Variants in PLAAT3 observed in about 807,000 individuals in gnomAD.
The protein encoded by PLAAT3 is phospholipase A and acyltransferase 3, also known as Ca-independent phospholipase A1/2.
In PLAAT3, 21 loss-of-function variants were observed where a neutral mutation model predicts 16.7. The ratio of observed to expected loss-of-function variants is 1.26; its 90% CI spans 0.89 to 1.81. The LOEUF (loss-of-function observed/expected upper bound fraction) is 1.81. Among genes scored for constraint, PLAAT3 ranks in the 40% most tolerant of loss-of-function variants. The pLI, the probability that PLAAT3 is intolerant of heterozygous loss-of-function variation, is 0.00. For synonymous variants in PLAAT3, 76 were observed against 81.7 expected (o/e 0.93, Z 0.38); for missense variants, 219 against 213.7 (o/e 1.02, Z -0.16).
At chr11:63,605,833 T>C (rs1310674069) in intron 2 of PLAAT3, among the ~76,000 whole-genome samples, 2 of 152,118 alleles carry the variant, frequency 1.3e-5, no homozygotes, top group African/African-American at 4.8e-5. Flanking sequence ...ATTACAGACA[T>C]GAGCCACCGC....
chr11:63,578,102 T>C (rs2134389949), intron 4 of PLAAT3, among the ~76,000 whole-genome samples: 1 of 151,972 alleles, frequency 6.6e-6, no homozygotes, highest in South Asian at 2.1e-4. Context: ...GGCAACATGG[T>C]GAAACCCCAT....
intron 2 of PLAAT3, among the ~76,000 whole-genome samples, chr11:63,604,096 G>A (rs973907426): frequency 1.2e-4 from 19 of 152,148 alleles, no homozygotes; most frequent in African/African-American, 4.1e-4. Flanking sequence ...AGGTTGCAGT[G>A]AGCTGAGATC....
intron 4 of PLAAT3, among the ~76,000 whole-genome samples, chr11:63,588,559 C>T (rs1348948225): frequency 6.6e-6 from 1 of 152,092 alleles, no homozygotes; most frequent in Non-Finnish European, 1.5e-5. Flanking sequence ...ACTGATTCCC[C>T]AGAAGAAAGC....
intron 2 of PLAAT3, among the ~76,000 whole-genome samples, chr11:63,604,677 C>G (rs971922174): frequency 6.6e-6 from 1 of 151,946 alleles, no homozygotes; most frequent in African/African-American, 2.4e-5. Flanking sequence ...GCTGGAGAAT[C>G]GCTTGAACCT....
At chr11:63,592,445 G>A (rs1938176821) in intron 3 of PLAAT3, among the ~76,000 whole-genome samples, 1 of 152,068 alleles carries the variant, frequency 6.6e-6, no homozygotes, top group Admixed American at 6.6e-5. Flanking sequence ...CAAAGTTCTG[G>A]GATTACAGGT....
intron 2 of PLAAT3, among the ~76,000 whole-genome samples, chr11:63,601,147 C>T (rs1938418905): frequency 6.7e-6 from 1 of 149,754 alleles, no homozygotes; most frequent in African/African-American, 2.4e-5. Context: ...CTCCGCTTCC[C>T]GGGTTCATGT....
At chr11:63,585,716 C>T (rs1478389714) in intron 4 of PLAAT3, among the ~76,000 whole-genome samples, 1 of 152,102 alleles carries the variant, frequency 6.6e-6, no homozygotes, top group African/African-American at 2.4e-5. Flanking sequence ...CATGCTGTTT[C>T]ACTGTTGTGT....
At chr11:63,578,918 C>T (rs1351604439) in intron 4 of PLAAT3, among the ~76,000 whole-genome samples, 3 of 152,152 alleles carry the variant, frequency 2.0e-5, no homozygotes, top group East Asian at 3.9e-4. Context: ...AAGAAACTAC[C>T]GTCAGAGTGA....
intron 2 of PLAAT3, among the ~76,000 whole-genome samples, chr11:63,612,011 G>T (rs569866172): frequency 6.6e-6 from 1 of 152,222 alleles, no homozygotes; most frequent in African/African-American, 2.4e-5. Flanking sequence ...GGTGGCGCAT[G>T]CCTGTAATCC....
At chr11:63,575,661 TA>T (rs765934351) in intron 4 of PLAAT3, among the ~76,000 whole-genome samples, 68 of 152,322 alleles carry the variant, frequency 4.5e-4, no homozygotes, top group Non-Finnish European at 6.9e-4. Flanking sequence ...AATGTCCAGG[TA>T]AAAATTGAAT....
At chr11:63,611,031 C>T (rs1938679278) in intron 2 of PLAAT3, among the ~76,000 whole-genome samples, 1 of 152,074 alleles carries the variant, frequency 6.6e-6, no homozygotes, top group Non-Finnish European at 1.5e-5. Context: ...AGTGGGGAGG[C>T]AGGATGTCCT....
At chr11:63,575,109 C>A in intron 4 of PLAAT3, 63 bp from the exon 5 acceptor site, 2 of 1,132,284 alleles carry the variant, frequency 1.8e-6, no homozygotes, top group Non-Finnish European at 2.7e-6. Context: ...GCTGCACATT[C>A]AGCAGAAACA....
chr11:63,575,025 C>G lies in PLAAT3; in HGVS notation c.409G>C (p.Ala137Pro), dbSNP rs777632250. 42 of 1,612,334 alleles carry G rather than the reference C, an allele frequency of 2.6e-5. No homozygotes were observed. In the South Asian group the frequency reaches 4.4e-4, roughly 17 times the overall value. ...SDQVRDVIIA[A>P]SVAGMGLAAM... ...GCCAAGCCCATTCCTGCAACGCTTG[C>G]AGCGATGATGACATCTCTGACCTGC... Residue 137 changes from alanine (A) to proline (P), a missense_variant, in exon 5 of 5, where the codon GCA becomes CCA. By Grantham distance (27) the Ala-to-Pro change is conservative (BLOSUM62 -1). Transcript: ENST00000415826.
In PLAAT3 at chr11:63,604,760, C is replaced by CAA. The variant is rs1330582963; in HGVS notation, c.16-6599_16-6598dup. On this transcript the variant is annotated intron_variant, in intron 2 of 4. Transcript: ENST00000415826. Reference sequence around the variant, plus strand: ...TCTAGGCGACAGAGCAAGACTGCCTCAAAAAAAAAAAAGTATTTTCTAGTT... The same window carrying CAA: ...TCTAGGCGACAGAGCAAGACTGCCTCAAAAAAAAAAAAAAGTATTTTCTAGTT... Among the ~76,000 whole-genome samples, 269 of 139,444 alleles carry CAA rather than the reference C, an allele frequency of 1.9e-3. 1 individual carries two copies. Among genetic ancestry groups the CAA allele is most frequent in the African/African-American group, 6.8e-3 (258 of 37,810 alleles). 91.5% of individuals were successfully genotyped at this position (139,444 alleles called of 152,430 possible). A position where few individuals can be genotyped will look rare whatever the true frequency, so the allele number is the denominator to read the frequency against.
At chr11:63,577,805 AG>A (rs1937656545) in intron 4 of PLAAT3, among the ~76,000 whole-genome samples, 1 of 152,202 alleles carries the variant, frequency 6.6e-6, no homozygotes, top group African/African-American at 2.4e-5. Context: ...CCAATAAATA[AG>A]AACGTGGTAC....
intron 2 of PLAAT3, 123 bp from the exon 3 acceptor site, chr11:63,598,286 G>A: frequency 1.5e-6 from 1 of 673,228 alleles, no homozygotes. Context: ...TATGTCCTGA[G>A]CCCTGCTCTG....
chr11:63,588,567 AG>A (rs1226436341), intron 4 of PLAAT3, among the ~76,000 whole-genome samples: 1 of 152,184 alleles, frequency 6.6e-6, no homozygotes, highest in Non-Finnish European at 1.5e-5. Flanking sequence ...CCCAGAAGAA[AG>A]CTCTTATCAA....
intron 3 of PLAAT3, among the ~76,000 whole-genome samples, chr11:63,593,784 T>C (rs1294660709): frequency 6.6e-6 from 1 of 152,236 alleles, no homozygotes; most frequent in Admixed American, 6.5e-5. Context: ...TTCGCCATGT[T>C]GGCCAGGCTG....
intron 3 of PLAAT3, among the ~76,000 whole-genome samples, chr11:63,591,053 G>A (rs768854379): frequency 6.6e-5 from 10 of 152,168 alleles, no homozygotes; most frequent in African/African-American, 1.2e-4. Context: ...CCTGTGTGGC[G>A]CAGGGAGAGG....
Sources: allele counts gnomAD v4.1 joint callset (sites outside exome capture counted in the v4.1 genomes callset), GRCh38; gene constraint gnomAD v4.1.1; transcripts MANE v1.5; gene names NCBI Gene and HGNC (gene_info 2026-07-23, HGNC 2026-07-21).